RBBP7: variants seen among roughly 807,000 people sequenced by gnomAD.
RBBP7 encodes histone-binding protein RBBP7.
A neutral mutation model predicts 35.2 loss-of-function variants in RBBP7; 5 were observed. The observed-to-expected ratio is 0.14, with a 90% CI of 0.07 to 0.30. The LOEUF is 0.30. Ranked by LOEUF, RBBP7 falls within the 10% of genes least tolerant of loss-of-function variation. The probability of loss-of-function intolerance (pLI) is 1.00; values close to 1 mark genes in which losing one functional copy is unlikely to be tolerated. For synonymous variants in RBBP7, 140 were observed against 118.7 expected (o/e 1.18, Z -1.17); for missense variants, 155 against 327.5 (o/e 0.47, Z 4.07).
chrX:16,864,008 A>G (rs1336947286), intron 2 of RBBP7, among the ~76,000 whole-genome samples: 3 of 110,235 alleles, frequency 2.7e-5, no homozygotes, highest in Non-Finnish European at 5.7e-5. Context: ...TCTAAATTTC[A>G]GCTGCACAAA....
At chrX:16,854,985 GTTT>G (rs150641871) in intron 5 of RBBP7, among the ~76,000 whole-genome samples, 47 of 93,848 alleles carry the variant, frequency 5.0e-4, no homozygotes, top group South Asian at 9.8e-4. Context: ...ACTGGTATGG[GTTT>G]TTTTTTTTTT....
intron 10 of RBBP7, 195 bp from the exon 11 acceptor site, chrX:16,846,133 T>C: frequency 1.7e-6 from 1 of 589,737 alleles, no homozygotes. Context: ...GGTGACAGAA[T>C]ATAGTACAAT....
At chrX:16,861,758 T>C (rs1048252121) in intron 3 of RBBP7, among the ~76,000 whole-genome samples, 3 of 111,733 alleles carry the variant, frequency 2.7e-5, no homozygotes, top group Non-Finnish European at 3.8e-5. Flanking sequence ...TCTGGGTGCT[T>C]AGCCCTGGAG....
At chrX:16,856,993 T>C (rs1268098385) in intron 5 of RBBP7, among the ~76,000 whole-genome samples, 1 of 111,503 alleles carries the variant, frequency 9.0e-6, no homozygotes, top group Non-Finnish European at 1.9e-5. Flanking sequence ...GGAACATAAG[T>C]AATGTTACTT....
At chrX:16,869,445 TCAATTACACGGA>T in intron 1 of RBBP7, 1 of 1,152,590 alleles carries the variant, frequency 8.7e-7, no homozygotes, top group East Asian at 3.3e-5. Flanking sequence ...TGTTGGGTAG[TCAATTACACGGA>T]CATGGAAATT....
chrX:16,848,445 G>A (rs1178844960), intron 10 of RBBP7: 1 of 111,404 alleles, frequency 9.0e-6, no homozygotes, highest in Non-Finnish European at 1.9e-5. Context: ...CTGTGTGCAG[G>A]GCTTGCTCTC....
intron 9 of RBBP7, 136 bp from the exon 10 acceptor site, chrX:16,849,437 T>C (rs1347097295): frequency 1.9e-6 from 1 of 517,595 alleles, no homozygotes; most frequent in Non-Finnish European, 3.1e-6. Flanking sequence ...TATACTACAA[T>C]CAATTAGGTT....
In RBBP7 at chrX:16,870,122, G is replaced by T; in HGVS notation, c.-69C>A. On this transcript the variant is annotated 5_prime_UTR_variant, in exon 1 of 12. Coordinates refer to ENST00000380087, the MANE Select transcript of RBBP7 (RefSeq NM_002893.4). Reference sequence around the variant, plus strand: ...CTCGTTAGCCAAGAGCAGCCCGACCGCTGGCGCTCCTGCCTTTCCCAAGCG... The same window carrying T: ...CTCGTTAGCCAAGAGCAGCCCGACCTCTGGCGCTCCTGCCTTTCCCAAGCG... 1 of 1,033,747 alleles carries T rather than the reference G, an allele frequency of 9.7e-7. No individual in the cohort carries two copies. The highest frequency in any genetic ancestry group is 1.3e-6 in the Non-Finnish European group (1 of 799,257). 85.2% of individuals were successfully genotyped at this position (1,033,747 alleles called of 1,213,427 possible).
chrX:16,869,054 A>G (rs773336946), intron 2 of RBBP7, 22 bp downstream of exon 2: 1 of 1,184,214 alleles, frequency 8.4e-7, no homozygotes, highest in Admixed American at 2.7e-5. Context: ...TAAACAAAAT[A>G]AAAGTTGCCA....
chrX:16,868,195 G>A (rs1410081228), intron 2 of RBBP7, among the ~76,000 whole-genome samples: 1 of 111,736 alleles, frequency 8.9e-6, no homozygotes, highest in Non-Finnish European at 1.9e-5. Flanking sequence ...CTGAGCTCAA[G>A]CTAACCTTCC....
At chrX:16,857,495 T>C (rs774743511) in intron 5 of RBBP7, 99 bp downstream of exon 5, 52 of 1,135,527 alleles carry the variant, frequency 4.6e-5, no homozygotes, top group Non-Finnish European at 6.0e-5. Flanking sequence ...TCAGCAGTAT[T>C]ATCTTAGAAA....
At chrX:16,861,147 C>A (rs186463902) in intron 3 of RBBP7, among the ~76,000 whole-genome samples, 5 of 112,055 alleles carry the variant, frequency 4.5e-5, no homozygotes, top group Non-Finnish European at 9.4e-5. Flanking sequence ...GCACTCCAGC[C>A]TGGGCGACTG....
chrX:16,869,806 G>A (rs1930731240), intron 1 of RBBP7: 6 of 919,167 alleles, frequency 6.5e-6, no homozygotes, highest in Non-Finnish European at 8.1e-6. Flanking sequence ...GAGGAGGGAA[G>A]GGAAGAGGGG....
chrX:16,860,664 ACTT>A (rs1474385560), intron 3 of RBBP7, among the ~76,000 whole-genome samples: 1 of 105,132 alleles, frequency 9.5e-6, no homozygotes, highest in Non-Finnish European at 2.0e-5. Context: ...ACAGAGCGAA[ACTT>A]CGTCTCGAAA....
chrX:16,853,010 T>C, intron 6 of RBBP7, 135 bp from the exon 7 acceptor site: 1 of 1,023,963 alleles, frequency 9.8e-7, no homozygotes, highest in South Asian at 2.2e-5. Flanking sequence ...ACACAGCTGG[T>C]GATTCAGACC....
At chrX:16,864,537 AAAAAAAAAAAG>A (rs1347997775) in intron 2 of RBBP7, among the ~76,000 whole-genome samples, 3 of 94,155 alleles carry the variant, frequency 3.2e-5, no homozygotes, top group Admixed American at 1.3e-4. Context: ...AAAAAAAAAA[AAAAAAAAAAAG>A]AAAAAGAAAG....
chrX:16,855,352 A>T (rs946589903), intron 5 of RBBP7, among the ~76,000 whole-genome samples: 1 of 112,436 alleles, frequency 8.9e-6, no homozygotes, highest in Non-Finnish European at 1.9e-5. Context: ...GTGCCCAGCC[A>T]CATGAAGGAC....
At position 16,863,001 on chromosome X, in the gene RBBP7, A is replaced by G. The variant is rs1302149608; in HGVS notation, c.261T>C (p.Asn87=). Residue 87 remains asparagine, a synonymous_variant, in exon 3 of 12, where the codon AAT becomes AAC. Transcript: ENST00000380087. ...GGGAAGCATCAAACTGTGCATCATC[A>G]TTGGGAATATGTACTCGAGCAACCA... ...HLVVARVHIP[N]DDAQFDASHC... is the part of the protein sequence containing the mutation. 3.3e-6 allele frequency: 4 copies of G among 1,211,227 alleles called. No homozygotes were observed. In the East Asian group the frequency reaches 1.2e-4, roughly 36 times the overall value.
rs187196021 is a variant in RBBP7 at position 16,863,896 on chromosome X, A to G, written c.162-796T>C. On this transcript the variant is annotated intron_variant, in intron 2 of 11. Coordinates refer to ENST00000380087, the MANE Select transcript of RBBP7 (RefSeq NM_002893.4). ...AGGCTTTCCCATTTGTATTATCTAG[A>G]ATACAATTTTCAACTGTGCTCCATG... Among the ~76,000 whole-genome samples, 17 of 111,321 alleles carry G rather than the reference A, an allele frequency of 1.5e-4. No homozygotes were observed. In the East Asian group the frequency reaches 3.1e-3, roughly 20 times the overall value.
Sources: gnomAD v4.1 joint callset for allele counts (sites outside exome capture counted in the v4.1 genomes callset) on GRCh38, gnomAD v4.1.1 for gene constraint, MANE v1.5 for transcripts, NCBI Gene and HGNC (gene_info 2026-07-23, HGNC 2026-07-21) for gene names.